Variants in NEBL observed in about 807,000 individuals in gnomAD.
NEBL encodes the protein nebulette.
A neutral mutation model predicts 140.2 loss-of-function variants in NEBL; 122 were observed. That is an observed-to-expected ratio of 0.87 (90% confidence interval 0.75 to 1.01). NEBL has a LOEUF of 1.01. Among genes scored for constraint, NEBL ranks in the 50% least tolerant of loss-of-function variants. The probability of loss-of-function intolerance (pLI) is 0.00; values close to 1 mark genes in which losing one functional copy is unlikely to be tolerated. For missense variants in NEBL, 1,365 were observed against 1,231.3 expected (o/e 1.11, Z -1.62); for synonymous variants, 436 against 398.9 (o/e 1.09, Z -1.11).
At chr10:21,247,213 C>T (rs1842528612) in intron 3 of NEBL, among the ~76,000 whole-genome samples, 1 of 152,164 alleles carries the variant, frequency 6.6e-6, no homozygotes, top group Admixed American at 6.5e-5. Context: ...ATTACCCAGT[C>T]TCACAGTTAT....
At chr10:21,061,157 T>C (rs990243163) in intron 2 of NEBL, among the ~76,000 whole-genome samples, 1 of 151,328 alleles carries the variant, frequency 6.6e-6, no homozygotes, top group Non-Finnish European at 1.5e-5. Context: ...ATATGATACA[T>C]GTTCTTATAT....
At chr10:20,868,803 C>A (rs1322840030) in intron 6 of NEBL, 38 bp from the exon 7 acceptor site, 1 of 1,405,336 alleles carries the variant, frequency 7.1e-7, no homozygotes, top group African/African-American at 1.4e-5. Flanking sequence ...AATATTTCTA[C>A]CCTCCAATGA....
chr10:20,960,800 T>A (rs1836015925), intron 4 of NEBL, among the ~76,000 whole-genome samples: 1 of 152,068 alleles, frequency 6.6e-6, no homozygotes, highest in South Asian at 2.1e-4. Context: ...ATTAAACATG[T>A]CCTGGAAATT....
chr10:21,181,257 C>A, intron 3 of NEBL, among the ~76,000 whole-genome samples: 1 of 142,014 alleles, frequency 7.0e-6, no homozygotes. Flanking sequence ...AAGTGAAACT[C>A]TGTCTCAAAA....
At chr10:21,172,556 T>A in intron 1 of NEBL, 3 of 1,004,510 alleles carry the variant, frequency 3.0e-6, no homozygotes, top group Non-Finnish European at 4.6e-6. Flanking sequence ...GAAGGCTTTT[T>A]AGTGCATCAC....
At chr10:21,011,122 T>C (rs901902073) in intron 3 of NEBL, among the ~76,000 whole-genome samples, 1 of 152,204 alleles carries the variant, frequency 6.6e-6, no homozygotes, top group Non-Finnish European at 1.5e-5. Context: ...TCAGAGACTA[T>C]TACAACTGGA....
At chr10:21,073,146 C>A (rs1419060244) in intron 2 of NEBL, among the ~76,000 whole-genome samples, 3 of 152,106 alleles carry the variant, frequency 2.0e-5, no homozygotes, top group Non-Finnish European at 4.4e-5. Flanking sequence ...GAAGTGTGTA[C>A]TCCCCAACCC....
chr10:20,998,006 A>G (rs1837741327), intron 3 of NEBL, among the ~76,000 whole-genome samples: 1 of 152,208 alleles, frequency 6.6e-6, no homozygotes, highest in Non-Finnish European at 1.5e-5. Context: ...CAAAAAATAA[A>G]TTAAATACAA....
chr10:21,159,516 T>A (rs1480745200), intron 2 of NEBL, among the ~76,000 whole-genome samples: 1 of 152,230 alleles, frequency 6.6e-6, no homozygotes, highest in African/African-American at 2.4e-5. Flanking sequence ...TTTTCCAAAT[T>A]AAGCGCAAAG....
At chr10:21,086,416 G>T (rs1325046492) in intron 2 of NEBL, among the ~76,000 whole-genome samples, 1 of 152,116 alleles carries the variant, frequency 6.6e-6, no homozygotes. Context: ...AAACATAAAA[G>T]TTATTCTTTA....
chr10:20,942,951 G>A (rs908730307), intron 4 of NEBL, among the ~76,000 whole-genome samples: 3 of 152,212 alleles, frequency 2.0e-5, no homozygotes, highest in African/African-American at 7.2e-5. Context: ...AGGTGCTGGA[G>A]AGGATGTGGA....
intron 3 of NEBL, among the ~76,000 whole-genome samples, chr10:20,888,687 ACT>A (rs1491482758): frequency 6.6e-6 from 1 of 152,034 alleles, no homozygotes; most frequent in African/African-American, 2.4e-5. Context: ...TCTAGCCTGC[ACT>A]GTCTTTAAGC....
At chr10:20,817,394 T>G (rs1838827333) in intron 21 of NEBL, among the ~76,000 whole-genome samples, 1 of 152,064 alleles carries the variant, frequency 6.6e-6, no homozygotes, top group African/African-American at 2.4e-5. Context: ...AAAGTCATCC[T>G]GATGAGTCAC....
At chr10:21,029,559 T>A in intron 2 of NEBL, 2 of 1,603,238 alleles carry the variant, frequency 1.2e-6, no homozygotes, top group Non-Finnish European at 1.7e-6. Flanking sequence ...TTGGCCGTGA[T>A]AGAAATCGGG....
chr10:21,255,629 A>C (rs1842648066), intron 1 of NEBL, among the ~76,000 whole-genome samples: 1 of 152,204 alleles, frequency 6.6e-6, no homozygotes, highest in Non-Finnish European at 1.5e-5. Flanking sequence ...ATTTCACTGC[A>C]ATGCTGCATC....
intron 3 of NEBL, among the ~76,000 whole-genome samples, chr10:21,216,398 G>A (rs1841993147): frequency 6.6e-6 from 1 of 152,160 alleles, no homozygotes; most frequent in African/African-American, 2.4e-5. Context: ...TCTCATGCCT[G>A]TAATCCCAGC....
At chr10:20,857,870 A>C (rs1177681947) in intron 9 of NEBL, among the ~76,000 whole-genome samples, 1 of 152,160 alleles carries the variant, frequency 6.6e-6, no homozygotes, top group African/African-American at 2.4e-5. Flanking sequence ...AAGGCGTACT[A>C]AATACAAGAC....
chr10:21,186,253 TACAA>T lies in NEBL; in HGVS notation n.349-13780_349-13777del, dbSNP rs1344873839. On this transcript the variant is annotated intron_variant and non_coding_transcript_variant, in intron 3 of 8. Coordinates refer to the NEBL transcript ENST00000675702. ...TCCCTTTTTAAAAAATTTTTATATATACAAACACACACACACACACACACACACA... is the reference window on the plus strand; with the variant it reads ...TCCCTTTTTAAAAAATTTTTATATATACACACACACACACACACACACACA... Among the ~76,000 whole-genome samples the T allele has an allele frequency of 8.3e-5, 10 of 120,188 alleles. No individual in the cohort carries two copies. The East Asian group carries it at 1.2e-3, about 15-fold the overall frequency. The allele number at this position is 120,188 out of a possible 152,430, so 78.8% of individuals were successfully genotyped here.
At chr10:20,973,709 A>G (rs1437017963) in intron 3 of NEBL, among the ~76,000 whole-genome samples, 1 of 152,202 alleles carries the variant, frequency 6.6e-6, no homozygotes, top group Non-Finnish European at 1.5e-5. Context: ...ACCACCATGG[A>G]TTGGCCTCAT....
Sources: gnomAD v4.1 joint callset for allele counts (sites outside exome capture counted in the v4.1 genomes callset) on GRCh38, gnomAD v4.1.1 for gene constraint, MANE v1.5 for transcripts, NCBI Gene and HGNC (gene_info 2026-07-23, HGNC 2026-07-21) for gene names.